The following CLTCL1 variants were observed in gnomAD, a reference collection of about 807,000 sequenced individuals.
The protein encoded by CLTCL1 is clathrin heavy chain like 1, also known as clathrin heavy chain 2.
A neutral mutation model predicts 190.0 loss-of-function variants in CLTCL1; 159 were observed. The ratio of observed to expected loss-of-function variants is 0.84; its 90% CI spans 0.74 to 0.95. The LOEUF is 0.95. Ranked by LOEUF, CLTCL1 falls within the 40% of genes least tolerant of loss-of-function variation. The pLI is 0.00. For synonymous variants in CLTCL1, 752 were observed against 769.6 expected (o/e 0.98, Z 0.38); for missense variants, 1,878 against 2,033.4 (o/e 0.92, Z 1.47).
intron 22 of CLTCL1, among the ~76,000 whole-genome samples, chr22:19,203,567 T>A (rs2084962006): frequency 6.6e-6 from 1 of 152,128 alleles, no homozygotes; most frequent in African/African-American, 2.4e-5. Context: ...CCTGCTTTTC[T>A]CCCACCCCGC....
chr22:19,229,168 C>A (rs879998107), intron 11 of CLTCL1, among the ~76,000 whole-genome samples: 11 of 152,052 alleles, frequency 7.2e-5, no homozygotes, highest in Non-Finnish European at 1.5e-5. Context: ...TTCACAATAG[C>A]CTAAAGGTAG....
chr22:19,200,945 G>GT (rs1247351866), intron 23 of CLTCL1, among the ~76,000 whole-genome samples: 1 of 152,158 alleles, frequency 6.6e-6, no homozygotes, highest in East Asian at 1.9e-4. Flanking sequence ...TATTTCTTCA[G>GT]TTTTTTCTAC....
At chr22:19,211,653 G>A (rs2145651808) in intron 19 of CLTCL1, among the ~76,000 whole-genome samples, 1 of 151,834 alleles carries the variant, frequency 6.6e-6, no homozygotes, top group South Asian at 2.1e-4. Context: ...TGTAGTCCCA[G>A]CTACTGGGGA....
intron 3 of CLTCL1, among the ~76,000 whole-genome samples, chr22:19,253,409 G>A (rs1277174985): frequency 6.6e-6 from 1 of 152,160 alleles, no homozygotes; most frequent in South Asian, 2.1e-4. Flanking sequence ...CATGGGCCAC[G>A]GTCCCTCCCT....
intron 2 of CLTCL1, chr22:19,257,704 G>C: frequency 1.0e-6 from 1 of 956,398 alleles, no homozygotes; most frequent in Non-Finnish European, 1.5e-6. Flanking sequence ...TTGGGGTCCA[G>C]GGCCCTGGCC....
Position 19,180,738 on chromosome 22 carries a change from G to C in CLTCL1, c.4896C>G (p.Leu1632=). Residue 1632 remains leucine, a synonymous_variant, in exon 31 of 33, where the codon CTC becomes CTG. Coordinates refer to ENST00000427926, the MANE Select transcript of CLTCL1 (RefSeq NM_007098.4). ...GCTACAGGTGCCACCTACCAAACAC[G>C]AGAGGGGCAGGCTCTGTCACATGCT... ...QEEHVTEPAP[L]VFDFDGHE The C allele has an allele frequency of 1.2e-6, 2 of 1,613,680 alleles. No homozygotes were observed. The highest frequency in any genetic ancestry group is 1.7e-6 in the Non-Finnish European group (2 of 1,179,750).
chr22:19,275,531 G>T, intron 2 of CLTCL1, 92 bp downstream of exon 2: 2 of 1,321,954 alleles, frequency 1.5e-6, no homozygotes, highest in Non-Finnish European at 2.1e-6. Flanking sequence ...GGAGCACTTC[G>T]CCATGAGCTT....
intron 2 of CLTCL1, among the ~76,000 whole-genome samples, chr22:19,254,602 T>G (rs2086693469): frequency 6.6e-6 from 1 of 152,208 alleles, no homozygotes; most frequent in Non-Finnish European, 1.5e-5. Flanking sequence ...CTGTGTGGTC[T>G]CCAATTTTCA....
intron 12 of CLTCL1, 98 bp from the exon 13 acceptor site, chr22:19,225,731 C>A (rs1555955620): frequency 1.8e-6 from 2 of 1,120,966 alleles, no homozygotes; most frequent in Non-Finnish European, 2.5e-6. Context: ...CCCTGAGTGT[C>A]AAAAATACAG....
chr22:19,269,593 T>C (rs1258212318), intron 2 of CLTCL1, among the ~76,000 whole-genome samples: 2 of 152,144 alleles, frequency 1.3e-5, no homozygotes, highest in African/African-American at 2.4e-5. Flanking sequence ...CACGGAATAC[T>C]ATGCAGCCAC....
intron 27 of CLTCL1, among the ~76,000 whole-genome samples, chr22:19,188,992 C>A (rs1192318392): frequency 6.6e-6 from 1 of 151,990 alleles, no homozygotes; most frequent in Non-Finnish European, 1.5e-5. Context: ...CAATCTCTGC[C>A]TCCTGGGTTC....
chr22:19,264,498 A>G (rs1569238767), intron 2 of CLTCL1, among the ~76,000 whole-genome samples: 1 of 152,218 alleles, frequency 6.6e-6, no homozygotes, highest in Non-Finnish European at 1.5e-5. Flanking sequence ...ACTCATGTTA[A>G]CAGCGGAATT....
intron 1 of CLTCL1, among the ~76,000 whole-genome samples, chr22:19,285,003 C>T (rs1383735395): frequency 2.0e-5 from 3 of 151,346 alleles, no homozygotes; most frequent in Non-Finnish European, 2.9e-5. Context: ...ACGCTGGGCG[C>T]GGTGGCTCAC....
chr22:19,207,580 C>T (rs1202874120), intron 22 of CLTCL1: 4 of 406,752 alleles, frequency 9.8e-6, no homozygotes, highest in African/African-American at 8.2e-5. Flanking sequence ...CGGTCCCCAA[C>T]CCCCATGCCA....
chr22:19,203,612 G>A (rs898923353), intron 22 of CLTCL1, among the ~76,000 whole-genome samples: 1 of 152,150 alleles, frequency 6.6e-6, no homozygotes, highest in East Asian at 1.9e-4. Context: ...CCCTGCTGTG[G>A]GGCTTTGGGG....
chr22:19,200,301 AG>A (rs1252582195), intron 23 of CLTCL1, among the ~76,000 whole-genome samples: 1 of 152,226 alleles, frequency 6.6e-6, no homozygotes, highest in African/African-American at 2.4e-5. Context: ...TGAGAAGTGC[AG>A]AATTCCCCTG....
intron 19 of CLTCL1, among the ~76,000 whole-genome samples, chr22:19,215,328 C>T (rs904123061): frequency 6.6e-6 from 1 of 152,200 alleles, no homozygotes; most frequent in Non-Finnish European, 1.5e-5. Context: ...TTCTGGCCTA[C>T]AAAATAAATC....
intron 2 of CLTCL1, among the ~76,000 whole-genome samples, chr22:19,269,368 C>G (rs1264576735): frequency 3.3e-5 from 5 of 152,098 alleles, no homozygotes; most frequent in Admixed American, 2.6e-4. Flanking sequence ...CCATTGCACT[C>G]CAGCCTGGAT....
chr22:19,207,465 C>A (rs1263586306), intron 22 of CLTCL1: 4 of 400,230 alleles, frequency 1.0e-5, no homozygotes, highest in South Asian at 2.6e-4. Flanking sequence ...AAGAGCATGT[C>A]AAAATTCCAT....
Sources: allele counts gnomAD v4.1 joint callset (sites outside exome capture counted in the v4.1 genomes callset), GRCh38; gene constraint gnomAD v4.1.1; transcripts MANE v1.5; gene names NCBI Gene and HGNC (gene_info 2026-07-23, HGNC 2026-07-21).